ZMAT4: variants seen among roughly 807,000 people sequenced by gnomAD.
The protein encoded by ZMAT4 is zinc finger matrin-type protein 4.
In ZMAT4, 17 loss-of-function variants were observed where a neutral mutation model predicts 28.7. The observed-to-expected ratio is 0.59, with a 90% CI of 0.41 to 0.89. The LOEUF is 0.89. Among genes scored for constraint, ZMAT4 ranks in the 40% least tolerant of loss-of-function variants. The probability of loss-of-function intolerance (pLI) is 0.00; values close to 1 mark genes in which losing one functional copy is unlikely to be tolerated. For synonymous variants in ZMAT4, 117 were observed against 109.2 expected (o/e 1.07, Z -0.44); for missense variants, 240 against 283.8 (o/e 0.85, Z 1.11).
intron 3 of ZMAT4, among the ~76,000 whole-genome samples, chr8:40,718,240 C>T (rs1810936535): frequency 6.6e-6 from 1 of 152,252 alleles, no homozygotes; most frequent in South Asian, 2.1e-4. Context: ...AAGCAATCCA[C>T]AGGGCAGTGA....
chr8:40,895,583 C>T (rs1441311438), intron 1 of ZMAT4, among the ~76,000 whole-genome samples: 1 of 152,202 alleles, frequency 6.6e-6, no homozygotes, highest in East Asian at 1.9e-4. Flanking sequence ...AAAGCGAGCG[C>T]TCCAGCGTGT....
rs540340215 is a variant in ZMAT4, at chr8:40,631,169, T to TTTTG, written c.577+43531_577+43534dup. 7.9e-5 allele frequency among the ~76,000 whole-genome samples: 11 copies of TTTTG among 139,260 alleles called. No homozygotes were observed. The South Asian group carries it at 9.9e-4, about 13-fold the overall frequency. The allele number at this position is 139,260 out of a possible 152,430, so 91.4% of individuals were successfully genotyped here. A position where few individuals can be genotyped will look rare whatever the true frequency, so the allele number is the denominator to read the frequency against. On this transcript the variant is annotated intron_variant, in intron 5 of 6. Coordinates refer to ENST00000297737, the MANE Select transcript of ZMAT4 (RefSeq NM_024645.3). ...CTTATAGGCATGATCTACTTTATTT[T>TTTTG]TTTGTTTGTTTGTTTGTTTATTTGA...
At chr8:40,808,773 G>A (rs1338944827) in intron 2 of ZMAT4, among the ~76,000 whole-genome samples, 1 of 151,044 alleles carries the variant, frequency 6.6e-6, no homozygotes, top group African/African-American at 2.4e-5. Context: ...TCTCCAATAA[G>A]ATGCCAACTA....
At position 40,770,022 on chromosome 8, in the gene ZMAT4, G is replaced by A. The variant is rs762790614; in HGVS notation, c.103-2292C>T. 4.6e-5 allele frequency among the ~76,000 whole-genome samples: 7 copies of A among 152,082 alleles called. No individual in the cohort carries two copies. The South Asian group carries it at 1.3e-3, about 27-fold the overall frequency. On this transcript the variant is annotated intron_variant, in intron 2 of 6. Transcript: ENST00000297737. ...CAGTACAGGCCTGTTTTCCTCCCTC[G>A]GGGCCCCCCACCTCCAGTTTTGGCA...
At chr8:40,865,093 C>G (rs537068841) in intron 1 of ZMAT4, among the ~76,000 whole-genome samples, 196 of 152,258 alleles carry the variant, frequency 1.3e-3, no homozygotes, top group African/African-American at 4.5e-3. Flanking sequence ...GCAAGATTCC[C>G]TTTAAACGTA....
intron 1 of ZMAT4, among the ~76,000 whole-genome samples, chr8:40,881,816 G>C (rs956514320): frequency 1.3e-5 from 2 of 151,946 alleles, no homozygotes; most frequent in Non-Finnish European, 2.9e-5. Context: ...GGAATAGCTC[G>C]GCCCAACAGT....
At chr8:40,614,581 A>G (rs1805927877) in intron 5 of ZMAT4, among the ~76,000 whole-genome samples, 1 of 152,170 alleles carries the variant, frequency 6.6e-6, no homozygotes, top group Non-Finnish European at 1.5e-5. Context: ...TAAGTCTCCA[A>G]GCACTTGTTT....
chr8:40,559,075 G>A (rs1803643437), intron 6 of ZMAT4, among the ~76,000 whole-genome samples: 1 of 152,162 alleles, frequency 6.6e-6, no homozygotes, highest in South Asian at 2.1e-4. Context: ...AACAAGCACT[G>A]GCTTTGAGAC....
intron 5 of ZMAT4, among the ~76,000 whole-genome samples, chr8:40,636,907 G>A (rs896936094): frequency 6.6e-6 from 1 of 152,124 alleles, no homozygotes; most frequent in Non-Finnish European, 1.5e-5. Flanking sequence ...TCCCTCCAGA[G>A]GGAGTCACAA....
intron 5 of ZMAT4, among the ~76,000 whole-genome samples, chr8:40,650,615 C>T (rs1807594006): frequency 1.6e-5 from 1 of 63,248 alleles, no homozygotes; most frequent in Non-Finnish European, 3.5e-5. Flanking sequence ...CAGGCAGAGA[C>T]ACAACAAAAA....
intron 5 of ZMAT4, among the ~76,000 whole-genome samples, chr8:40,626,517 G>A (rs144030327): frequency 4.5e-4 from 69 of 152,334 alleles, no homozygotes; most frequent in African/African-American, 1.6e-3. Context: ...ACTCTAGGCT[G>A]CTAACTGCCA....
chr8:40,726,456 G>A (rs140672920), intron 3 of ZMAT4, among the ~76,000 whole-genome samples: 221 of 152,262 alleles, frequency 1.5e-3, no homozygotes, highest in African/African-American at 5.1e-3. Context: ...TGGCCTTTCT[G>A]CCGCCTTACT....
intron 4 of ZMAT4, among the ~76,000 whole-genome samples, chr8:40,687,440 A>G (rs905069392): frequency 6.6e-6 from 1 of 152,178 alleles, no homozygotes; most frequent in African/African-American, 2.4e-5. Flanking sequence ...GATATTGGGT[A>G]AAGCATACCA....
At chr8:40,827,128 T>C (rs1816088432) in intron 1 of ZMAT4, among the ~76,000 whole-genome samples, 1 of 152,190 alleles carries the variant, frequency 6.6e-6, no homozygotes, top group African/African-American at 2.4e-5. Context: ...CTTGCATGAT[T>C]CCAATTTCCA....
chr8:40,640,789 A>G (rs1806988722), intron 5 of ZMAT4, among the ~76,000 whole-genome samples: 2 of 151,814 alleles, frequency 1.3e-5, no homozygotes, highest in Non-Finnish European at 2.9e-5. Context: ...GTGAAACTCC[A>G]TCTCTACTAA....
chr8:40,897,462 G>A (rs940582196), intron 1 of ZMAT4, among the ~76,000 whole-genome samples: 2 of 152,164 alleles, frequency 1.3e-5, no homozygotes, highest in South Asian at 2.1e-4. Flanking sequence ...AGACCTGAGC[G>A]CAGCTAATTA....
Position 40,783,750 on chromosome 8 carries a change from C to T in ZMAT4, c.103-16020G>A, listed in dbSNP as rs1757190385. Among the ~76,000 whole-genome samples, 3 of 152,254 alleles carry T rather than the reference C, an allele frequency of 2.0e-5. No homozygotes were observed. In the South Asian group the frequency reaches 6.2e-4, roughly 32 times the overall value. On this transcript the variant is annotated intron_variant, in intron 2 of 6. Coordinates refer to ENST00000297737, the MANE Select transcript of ZMAT4 (RefSeq NM_024645.3). Reference sequence around the variant, plus strand: ...TTGAGGCCAGGCACAGTGGCTCACGCTTGTAATCCCAGCACTTTGGAAGGC... The same window carrying T: ...TTGAGGCCAGGCACAGTGGCTCACGTTTGTAATCCCAGCACTTTGGAAGGC...
rs1251582063 is a variant in ZMAT4 at position 40,767,339 on chromosome 8, T to C, written c.192+302A>G. On this transcript the variant is annotated intron_variant, in intron 3 of 6. Coordinates refer to ENST00000297737, the MANE Select transcript of ZMAT4 (RefSeq NM_024645.3). ...GTCCTGTCTTCTTAATACTTCATCA[T>C]GTTGTGGTCCTGCCTCCCCTTACCC... Among the ~76,000 whole-genome samples the C allele has an allele frequency of 2.0e-5, 3 of 152,148 alleles. 1 individual carries two copies. Among genetic ancestry groups the C allele is most frequent in the African/African-American group, 7.2e-5 (3 of 41,426 alleles).
At chr8:40,585,398 C>G (rs187430076) in intron 5 of ZMAT4, among the ~76,000 whole-genome samples, 3 of 152,064 alleles carry the variant, frequency 2.0e-5, no homozygotes, top group African/African-American at 7.2e-5. Context: ...ATGATAAAAT[C>G]TAGATTCCCA....
Sources: allele counts gnomAD v4.1 joint callset (sites outside exome capture counted in the v4.1 genomes callset), GRCh38; gene constraint gnomAD v4.1.1; transcripts MANE v1.5; gene names NCBI Gene and HGNC (gene_info 2026-07-23, HGNC 2026-07-21).